GNAL: variants seen among roughly 807,000 people sequenced by gnomAD.
The protein encoded by GNAL is G protein subunit alpha L.
GNAL carries 18 observed loss-of-function variants against 55.1 expected under a neutral mutation model. The observed-to-expected ratio is 0.33, with a 90% CI of 0.23 to 0.48. GNAL has a LOEUF of 0.48. Among genes scored for constraint, GNAL ranks in the 20% least tolerant of loss-of-function variants. The probability of loss-of-function intolerance (pLI) is 0.99; values close to 1 mark genes in which losing one functional copy is unlikely to be tolerated. For synonymous variants in GNAL, 253 were observed against 237.0 expected, an observed-to-expected ratio of 1.07 and a Z score of -0.62; for missense variants, 412 against 614.1, an observed-to-expected ratio of 0.67 and a Z score of 3.48.
intron 4 of GNAL, among the ~76,000 whole-genome samples, chr18:11,785,698 T>G (rs2034036270): frequency 6.6e-6 from 1 of 152,166 alleles, no homozygotes; most frequent in Admixed American, 6.5e-5. Context: ...TTTTCTAAAT[T>G]GGGTTCAGGC....
Position 11,883,214 on chromosome 18 carries a change from T to C in GNAL, c.*2079T>C, listed in dbSNP as rs1432282604. ...ACACACACATTTTATCTCATCACCG[T>C]CTTACTGCCTCCCCATCCACTGTCT... On this transcript the variant is annotated 3_prime_UTR_variant, in exon 12 of 12. Transcript: ENST00000334049. The C allele has an allele frequency of 7.2e-6, 1 of 138,362 alleles. No individual in the cohort carries two copies. The highest frequency in any genetic ancestry group is 1.5e-5 in the Non-Finnish European group (1 of 66,772). 8.6% of individuals were successfully genotyped at this position (138,362 alleles called of 1,614,324 possible). A position where few individuals can be genotyped will look rare whatever the true frequency, so the allele number is the denominator to read the frequency against.
chr18:11,809,237 G>A (rs529785892), intron 4 of GNAL, among the ~76,000 whole-genome samples: 17 of 151,448 alleles, frequency 1.1e-4, no homozygotes, highest in Non-Finnish European at 2.1e-4. Flanking sequence ...CAGCCTGGGC[G>A]ACAGAGCGAG....
At chr18:11,770,230 AT>A (rs2033591152) in intron 4 of GNAL, among the ~76,000 whole-genome samples, 1 of 152,160 alleles carries the variant, frequency 6.6e-6, no homozygotes, top group Non-Finnish European at 1.5e-5. Context: ...TTTTTGAACT[AT>A]TTGAATTCAA....
intron 4 of GNAL, among the ~76,000 whole-genome samples, chr18:11,796,293 C>G (rs533337129): frequency 3.9e-5 from 6 of 152,106 alleles, no homozygotes; most frequent in Non-Finnish European, 8.8e-5. Context: ...AACCTTTCCA[C>G]TGGGCCGGGC....
intron 4 of GNAL, among the ~76,000 whole-genome samples, chr18:11,782,558 G>C (rs1210545142): frequency 6.6e-6 from 1 of 152,174 alleles, no homozygotes; most frequent in Non-Finnish European, 1.5e-5. Flanking sequence ...AGGATAGTAG[G>C]AGAGAAGGCA....
At chr18:11,813,640 G>A (rs912442766) in intron 4 of GNAL, among the ~76,000 whole-genome samples, 3 of 152,236 alleles carry the variant, frequency 2.0e-5, no homozygotes, top group African/African-American at 4.8e-5. Context: ...AGACAGTATA[G>A]TGCTAGCATG....
chr18:11,809,540 C>T (rs181018432), intron 4 of GNAL, among the ~76,000 whole-genome samples: 1 of 152,160 alleles, frequency 6.6e-6, no homozygotes, highest in Admixed American at 6.5e-5. Context: ...GGATACCAGC[C>T]TGGCCAACAT....
chr18:11,868,186 G>A lies in GNAL; in HGVS notation c.911-357G>A, dbSNP rs2036309160. 6.6e-6 allele frequency among the ~76,000 whole-genome samples: 1 copy of A among 151,866 alleles called. No individual in the cohort carries two copies. The highest frequency in any genetic ancestry group is 2.1e-4 in the South Asian group (1 of 4,816). On this transcript the variant is annotated intron_variant, in intron 8 of 11. Transcript: ENST00000334049. The surrounding 1 kb of genome is among the most constrained non-coding windows in gnomAD (Gnocchi z 4.0). The stretch of plus-strand genomic sequence containing the variant: ...GTGGTGACACATGCCTATAATCCTA[G>A]CTACTAGGGAGGCTGAGGCAGGAGA...
rs2034488094 is a variant in GNAL, at chr18:11,800,214, T to C, written c.625-24704T>C. On this transcript the variant is annotated intron_variant, in intron 4 of 11. Transcript: ENST00000334049. ...TCAGATTGGTGGATGGGTGAGTGGA[T>C]GGATGGATAATACAAGTGATGATAG... Among the ~76,000 whole-genome samples the C allele has an allele frequency of 2.0e-5, 3 of 152,002 alleles. 1 individual carries two copies. The South Asian group carries it at 6.2e-4, about 31-fold the overall frequency.
intron 1 of GNAL, among the ~76,000 whole-genome samples, chr18:11,731,403 C>A (rs1370316940): frequency 6.6e-6 from 1 of 152,238 alleles, no homozygotes; most frequent in Non-Finnish European, 1.5e-5. Flanking sequence ...CCCGCCTTGG[C>A]CTCCCAAAGT....
At chr18:11,837,561 G>A (rs1392274793) in intron 5 of GNAL, among the ~76,000 whole-genome samples, 1 of 152,160 alleles carries the variant, frequency 6.6e-6, no homozygotes, top group Admixed American at 6.6e-5. Context: ...CAAAACCACA[G>A]TGACATTCCA....
In GNAL at chr18:11,868,148, A is replaced by G. The variant is rs2036308559; in HGVS notation, c.911-395A>G. 6.6e-6 allele frequency among the ~76,000 whole-genome samples: 1 copy of G among 151,816 alleles called. No individual in the cohort carries two copies. The highest frequency in any genetic ancestry group is 1.9e-4 in the East Asian group (1 of 5,172). On this transcript the variant is annotated intron_variant, in intron 8 of 11. Coordinates refer to ENST00000334049, the MANE Select transcript of GNAL (RefSeq NM_182978.4). This position sits in a 1 kb window ranked among gnomAD's most constrained non-coding sequence, Gnocchi z 4.0. ...CTCGGAAGAAAATACAAAAATACAA[A>G]AATTAGCCAGGTGTGGTGACACATG...
Position 11,872,295 on chromosome 18 carries a change from G to T in GNAL, c.1059G>T (p.Leu353Phe). 1 of 1,577,752 alleles carries T rather than the reference G, an allele frequency of 6.3e-7. No individual in the cohort carries two copies. The highest frequency in any genetic ancestry group is 1.4e-5 in the African/African-American group (1 of 72,264). The change falls in exon 10 of 12, where the codon TTG (leucine) becomes TTT (phenylalanine). Residue 353 changes from leucine (L) to phenylalanine (F), a missense_variant. Physicochemically the swap from Leu to Phe is conservative, Grantham distance 22 (BLOSUM62 0). This residue lies in a region of GNAL where 53 missense variants were observed against 182.7 expected (regional missense o/e 0.29). Coordinates refer to ENST00000334049, the MANE Select transcript of GNAL (RefSeq NM_182978.4). ...NRWLRTISII[L>F]FLNKQDMLAE... ...GGTTACGGACCATTTCTATCATCTT[G>T]TTCTTGAACAAACAAGATATGCTGG...
intron 11 of GNAL, among the ~76,000 whole-genome samples, chr18:11,877,630 G>A (rs1295756828): frequency 1.3e-5 from 2 of 151,818 alleles, no homozygotes; most frequent in Non-Finnish European, 2.9e-5. Context: ...TCCCAAGGGC[G>A]ATGTTCCCGG....
At chr18:11,790,239 C>G (rs1437241192) in intron 4 of GNAL, among the ~76,000 whole-genome samples, 1 of 151,978 alleles carries the variant, frequency 6.6e-6, no homozygotes, top group Non-Finnish European at 1.5e-5. Context: ...AGAGCCCTGC[C>G]CCTGGGGTCT....
chr18:11,809,362 A>G (rs1012344953), intron 4 of GNAL, among the ~76,000 whole-genome samples: 7 of 152,198 alleles, frequency 4.6e-5, no homozygotes, highest in African/African-American at 1.7e-4. Flanking sequence ...ATGTTCCAAA[A>G]TTGATGGTGG....
chr18:11,725,805 C>T (rs1473630697), intron 1 of GNAL, among the ~76,000 whole-genome samples: 1 of 152,168 alleles, frequency 6.6e-6, no homozygotes, highest in Non-Finnish European at 1.5e-5. Context: ...AGTGTGATTG[C>T]TGGATCATGT....
At chr18:11,807,524 G>A (rs754881949) in intron 4 of GNAL, among the ~76,000 whole-genome samples, 3 of 152,230 alleles carry the variant, frequency 2.0e-5, no homozygotes, top group South Asian at 2.1e-4. Context: ...GCCGGGCCGT[G>A]GGGGGAAACC....
intron 4 of GNAL, among the ~76,000 whole-genome samples, chr18:11,776,127 C>T (rs2033776630): frequency 6.6e-6 from 1 of 152,196 alleles, no homozygotes; most frequent in Non-Finnish European, 1.5e-5. Context: ...CTCAATATGA[C>T]CTTGCGAGTT....
Sources: allele counts gnomAD v4.1 joint callset (sites outside exome capture counted in the v4.1 genomes callset), GRCh38; gene constraint gnomAD v4.1.1; regional missense constraint gnomAD v4.1.1; non-coding constraint Gnocchi (gnomAD v3.1); transcripts MANE v1.5; gene names NCBI Gene and HGNC (gene_info 2026-07-23, HGNC 2026-07-21).